MACROD2: variants seen among roughly 807,000 people sequenced by gnomAD.
The protein encoded by MACROD2 is mono-ADP ribosylhydrolase 2.
Under a neutral mutation model 70.4 loss-of-function variants are expected in MACROD2, and 36 were observed. The observed-to-expected ratio is 0.51, with a 90% CI of 0.39 to 0.68. The LOEUF is 0.68. Among genes scored for constraint, MACROD2 ranks in the 30% least tolerant of loss-of-function variants. The probability of loss-of-function intolerance (pLI) is 0.00; values close to 1 mark genes in which losing one functional copy is unlikely to be tolerated. For synonymous variants in MACROD2, 172 were observed against 178.8 expected (o/e 0.96, Z 0.30); for missense variants, 496 against 538.4 (o/e 0.92, Z 0.78).
chr20:15,892,360 T>C (rs1260609937), intron 10 of MACROD2, among the ~76,000 whole-genome samples: 2 of 152,230 alleles, frequency 1.3e-5, no homozygotes, highest in African/African-American at 2.4e-5. Flanking sequence ...CAGACTTTAA[T>C]TTATTTGCCC....
intron 3 of MACROD2, among the ~76,000 whole-genome samples, chr20:14,132,478 T>C (rs1206823651): frequency 1.3e-5 from 2 of 152,212 alleles, no homozygotes; most frequent in Admixed American, 1.3e-4. Flanking sequence ...CAGAGCACTT[T>C]ACAAGACCTT....
chr20:14,274,680 T>C (rs947426713), intron 3 of MACROD2, among the ~76,000 whole-genome samples: 5 of 152,104 alleles, frequency 3.3e-5, no homozygotes, highest in African/African-American at 1.2e-4. Flanking sequence ...TAAAGTGTAT[T>C]CAATTAGGAA....
At chr20:14,195,564 G>A (rs1219636732) in intron 3 of MACROD2, among the ~76,000 whole-genome samples, 1 of 152,004 alleles carries the variant, frequency 6.6e-6, no homozygotes, top group African/African-American at 2.4e-5. Flanking sequence ...CGCATCCTGT[G>A]CCTATAAAAA....
At chr20:14,546,317 G>A (rs1330902292) in intron 4 of MACROD2, among the ~76,000 whole-genome samples, 6 of 152,160 alleles carry the variant, frequency 3.9e-5, no homozygotes, top group Non-Finnish European at 7.4e-5. Context: ...CAATATGCAT[G>A]TGGTTGACTG....
intron 3 of MACROD2, among the ~76,000 whole-genome samples, chr20:14,441,167 A>G (rs1050120608): frequency 6.6e-6 from 1 of 152,196 alleles, no homozygotes; most frequent in Non-Finnish European, 1.5e-5. Flanking sequence ...GTGACTTCTA[A>G]TGCTAGACCT....
chr20:14,541,422 A>G (rs1323976147), intron 4 of MACROD2, among the ~76,000 whole-genome samples: 1 of 151,608 alleles, frequency 6.6e-6, no homozygotes, highest in East Asian at 1.9e-4. Flanking sequence ...TCTCATATAA[A>G]CCTCCCACCC....
intron 6 of MACROD2, among the ~76,000 whole-genome samples, chr20:15,408,077 T>A (rs895305439): frequency 6.6e-6 from 1 of 152,216 alleles, no homozygotes; most frequent in African/African-American, 2.4e-5. Context: ...CTGGGCTTTT[T>A]TTCTTAATTT....
At chr20:14,922,467 A>T (rs114750345) in intron 5 of MACROD2, among the ~76,000 whole-genome samples, 3,465 of 152,244 alleles carry the variant, frequency 0.023, 95 homozygotes, top group African/African-American at 0.076. Flanking sequence ...TATATTCCAA[A>T]TTATTTTATT....
chr20:14,897,005 G>A (rs2073838237), intron 5 of MACROD2, among the ~76,000 whole-genome samples: 1 of 152,114 alleles, frequency 6.6e-6, no homozygotes, highest in Non-Finnish European at 1.5e-5. Context: ...GAGATTTTAT[G>A]GCCCAAAATG....
intron 10 of MACROD2, among the ~76,000 whole-genome samples, chr20:15,929,688 G>C (rs1329690741): frequency 2.0e-5 from 3 of 152,154 alleles, no homozygotes; most frequent in Non-Finnish European, 4.4e-5. Flanking sequence ...GTTCACAAAA[G>C]GAACTACAAA....
intron 6 of MACROD2, among the ~76,000 whole-genome samples, chr20:15,230,910 A>G (rs1259415760): frequency 6.6e-6 from 1 of 152,118 alleles, no homozygotes; most frequent in Non-Finnish European, 1.5e-5. Context: ...CATATAGATT[A>G]TAGCCTTGCT....
At chr20:15,954,114 C>T (rs1191457197) in intron 12 of MACROD2, among the ~76,000 whole-genome samples, 10 of 152,088 alleles carry the variant, frequency 6.6e-5, no homozygotes, top group Admixed American at 5.2e-4. Context: ...ATATATTGCA[C>T]TTGAAGATAA....
chr20:15,278,633 T>C (rs2077414652), intron 6 of MACROD2, among the ~76,000 whole-genome samples: 1 of 152,146 alleles, frequency 6.6e-6, no homozygotes, highest in South Asian at 2.1e-4. Context: ...TCCCTGATAA[T>C]CCCATAATAT....
rs189570677 is a variant in MACROD2 at position 15,827,565 on chromosome 20, A to T, written c.646-35180A>T. On this transcript the variant is annotated intron_variant, in intron 8 of 17. Coordinates refer to ENST00000684519, the MANE Select transcript of MACROD2 (RefSeq NM_001351661.2). ...AGAAAAAAATGCTATGTTTACGTAC[A>T]TACCTTTAGAAGAAGAATAAATATT... Among the ~76,000 whole-genome samples, 112 of 152,302 alleles carry T rather than the reference A, an allele frequency of 7.4e-4. 1 individual carries two copies. The highest frequency in any genetic ancestry group is 5.7e-4 in the Non-Finnish European group (39 of 68,036).
chr20:14,118,078 T>C (rs59435348), intron 3 of MACROD2, among the ~76,000 whole-genome samples: 29,931 of 152,170 alleles, frequency 0.2, 3,063 homozygotes, highest in Admixed American at 0.24. Flanking sequence ...AGCTAATAAA[T>C]GAATATTGTT....
intron 12 of MACROD2, among the ~76,000 whole-genome samples, chr20:15,956,363 C>T (rs533244166): frequency 1.3e-4 from 20 of 152,188 alleles, no homozygotes; most frequent in African/African-American, 4.8e-4. Context: ...ACAGTAAGAC[C>T]CACTAAATCT....
chr20:16,032,086 G>C lies in MACROD2; in HGVS notation c.1154-9115G>C, dbSNP rs75482316. On this transcript the variant is annotated intron_variant, in intron 15 of 17. Transcript: ENST00000684519. ...TCTGTTGTTTTTTAATGTCACTACAGTTATTTAAGGGTTAGGTTTATTGAA... is the reference window on the plus strand; with the variant it reads ...TCTGTTGTTTTTTAATGTCACTACACTTATTTAAGGGTTAGGTTTATTGAA... Among the ~76,000 whole-genome samples the C allele has an allele frequency of 6.0e-3, 910 of 152,154 alleles. 12 individuals carry two copies. The highest frequency in any genetic ancestry group is 0.021 in the African/African-American group (885 of 41,518).
At chr20:13,996,741 C>CT (rs1192275113) in intron 1 of MACROD2, among the ~76,000 whole-genome samples, 1 of 152,180 alleles carries the variant, frequency 6.6e-6, no homozygotes, top group Non-Finnish European at 1.5e-5. Flanking sequence ...TTTCACACCT[C>CT]TTTCCTTTTC....
chr20:15,489,708 G>C (rs976633393), intron 7 of MACROD2, among the ~76,000 whole-genome samples: 2 of 152,104 alleles, frequency 1.3e-5, no homozygotes, highest in Non-Finnish European at 2.9e-5. Context: ...CTTTCTTTGG[G>C]GTTTCAAACC....
Sources: gnomAD v4.1 joint callset for allele counts (sites outside exome capture counted in the v4.1 genomes callset) on GRCh38, gnomAD v4.1.1 for gene constraint, MANE v1.5 for transcripts, NCBI Gene and HGNC (gene_info 2026-07-23, HGNC 2026-07-21) for gene names.